LIN54: variants seen among roughly 807,000 people sequenced by gnomAD.
LIN54 encodes protein lin-54 homolog.
Under a neutral mutation model 78.7 loss-of-function variants are expected in LIN54, and 9 were observed. The observed-to-expected ratio is 0.11, with a 90% CI of 0.07 to 0.20. The LOEUF (loss-of-function observed/expected upper bound fraction) is 0.20, where lower values mean the gene tolerates loss of function less well. LIN54 is among the 10% of genes least tolerant of loss of function. The pLI is 1.00. For synonymous variants in LIN54, 269 were observed against 318.4 expected (o/e 0.84, Z 1.65); for missense variants, 573 against 889.9 (o/e 0.64, Z 4.53).
At chr4:82,988,287 A>C (rs918089949) in intron 1 of LIN54, among the ~76,000 whole-genome samples, 1 of 152,182 alleles carries the variant, frequency 6.6e-6, no homozygotes, top group African/African-American at 2.4e-5. Flanking sequence ...TAAAGCAATC[A>C]TATGGTATGA....
chr4:82,985,437 T>C (rs1220180953), intron 1 of LIN54, among the ~76,000 whole-genome samples: 1 of 152,220 alleles, frequency 6.6e-6, no homozygotes, highest in Non-Finnish European at 1.5e-5. Flanking sequence ...CAATTGCAGA[T>C]CAAATAGCAT....
intron 1 of LIN54, among the ~76,000 whole-genome samples, chr4:82,988,545 A>G (rs931071325): frequency 1.3e-5 from 2 of 152,204 alleles, no homozygotes; most frequent in African/African-American, 4.8e-5. Flanking sequence ...CTTTTGAGTA[A>G]ATATCTAGAA....
At chr4:83,011,718 G>T (rs1260125402), upstream of LIN54, among the ~76,000 whole-genome samples, 1 of 150,580 alleles carries the variant, frequency 6.6e-6, no homozygotes, top group East Asian at 2.0e-4. Context: ...TCATCAGTCA[G>T]TTGAATAAGT....
chr4:82,937,301 G>A lies in LIN54; in HGVS notation c.1533-3C>T, dbSNP rs201608538. 1.9e-6 allele frequency: 3 copies of A among 1,552,842 alleles called. No individual in the cohort carries two copies. The highest frequency in any genetic ancestry group is 2.6e-6 in the Non-Finnish European group (3 of 1,142,236). ...TGGCCGACTCTGATGGGATTATGCTGTACAGATAGAAAAAAAGATATACAT... is the reference window on the plus strand; with the variant it reads ...TGGCCGACTCTGATGGGATTATGCTATACAGATAGAAAAAAAGATATACAT... On this transcript the variant is annotated splice_region_variant and splice_polypyrimidine_tract_variant and intron_variant, in intron 8 of 12. Transcript: ENST00000340417.
chr4:83,006,383 A>G (rs1225375152), intron 1 of LIN54, among the ~76,000 whole-genome samples: 2 of 151,912 alleles, frequency 1.3e-5, no homozygotes, highest in Non-Finnish European at 2.9e-5. Context: ...TGGCAGGCAG[A>G]AGTTGCAGTG....
chr4:82,994,903 A>G (rs1442771143), intron 1 of LIN54, among the ~76,000 whole-genome samples: 1 of 152,028 alleles, frequency 6.6e-6, no homozygotes, highest in Non-Finnish European at 1.5e-5. Context: ...TTGTCAGAAG[A>G]ACATACGTTT....
chr4:82,938,456 C>T lies in LIN54; in HGVS notation c.1489G>A (p.Gly497Arg), dbSNP rs1344284488. ...VSIASNSTFT[G>R]TSGIQTQARL... is the part of the protein sequence containing the mutation. ...GCCTGGGTCTGGATACCAGATGTTC[C>T]AGTAAAGGTAGAGTTGCTTGCTATT... is the stretch of plus-strand genomic sequence containing the variant. The change falls in exon 8 of 13, where the codon GGA becomes AGA. Residue 497 changes from glycine (G) to arginine (R), a missense_variant. Physicochemically the swap from Gly to Arg is moderately radical, Grantham distance 125. Coordinates refer to ENST00000340417, the MANE Select transcript of LIN54 (RefSeq NM_194282.4). 1 of 1,612,076 alleles carries T rather than the reference C, an allele frequency of 6.2e-7. No homozygotes were observed. Among genetic ancestry groups the T allele is most frequent in the Admixed American group, 1.7e-5 (1 of 59,984 alleles).
At chr4:82,931,695 A>G (rs1054424847) in intron 11 of LIN54, among the ~76,000 whole-genome samples, 2 of 152,224 alleles carry the variant, frequency 1.3e-5, no homozygotes, top group Non-Finnish European at 2.9e-5. Context: ...TTTCATATAA[A>G]TATATATTTT....
At chr4:82,993,999 T>C (rs1193037978) in intron 1 of LIN54, among the ~76,000 whole-genome samples, 1 of 152,100 alleles carries the variant, frequency 6.6e-6, no homozygotes, top group African/African-American at 2.4e-5. Flanking sequence ...ATTTGCTACC[T>C]GGAGCTTTAC....
chr4:82,988,161 G>T (rs967946615), intron 1 of LIN54, among the ~76,000 whole-genome samples: 2 of 151,604 alleles, frequency 1.3e-5, no homozygotes, highest in African/African-American at 2.4e-5. Flanking sequence ...ATGTTTTTTT[G>T]GCCACATAAA....
At chr4:82,987,439 T>C (rs181657096) in intron 1 of LIN54, among the ~76,000 whole-genome samples, 5 of 152,314 alleles carry the variant, frequency 3.3e-5, no homozygotes, top group Admixed American at 2.6e-4. Flanking sequence ...ACGGGATACA[T>C]GTGCAGAACA....
At chr4:83,011,378 C>T (rs1729846487), upstream of LIN54, among the ~76,000 whole-genome samples, 1 of 152,124 alleles carries the variant, frequency 6.6e-6, no homozygotes, top group Non-Finnish European at 1.5e-5. Context: ...TCTGAGCTAT[C>T]TTCCTCTCCA....
At chr4:83,011,744 G>C (rs1038632867), upstream of LIN54, among the ~76,000 whole-genome samples, 1 of 150,104 alleles carries the variant, frequency 6.7e-6, no homozygotes, top group African/African-American at 2.5e-5. Context: ...AAAGAGAACA[G>C]AGGTAATTCT....
chr4:82,936,048 C>T lies in LIN54; in HGVS notation c.1778G>A (p.Arg593Gln), dbSNP rs758641221. The T allele has an allele frequency of 6.2e-7, 1 of 1,613,842 alleles. No homozygotes were observed. Among genetic ancestry groups the T allele is most frequent in the Non-Finnish European group, 8.5e-7 (1 of 1,179,728 alleles). Reference protein sequence around the residue: ...IGKGKEGESDRRHSKGCNCKR... With the variant: ...IGKGKEGESDQRHSKGCNCKR... ...GCAATTACACCCTTTGCTATGACGT[C>T]GATCAGATTCTCCCTCCTTTCCTTT... The change falls in exon 11 of 13, where the codon CGA becomes CAA. Residue 593 changes from arginine to glutamine, a missense_variant. By Grantham distance (43) the Arg-to-Gln change is conservative (BLOSUM62 1). Coordinates refer to ENST00000340417, the MANE Select transcript of LIN54 (RefSeq NM_194282.4).
intron 4 of LIN54, among the ~76,000 whole-genome samples, chr4:82,957,741 C>T (rs1389182435): frequency 1.3e-5 from 2 of 152,070 alleles, no homozygotes; most frequent in African/African-American, 4.8e-5. Context: ...ATTTATCTTT[C>T]TTTTCTTGGT....
intron 4 of LIN54, among the ~76,000 whole-genome samples, chr4:82,969,666 A>G (rs1030945209): frequency 2.0e-5 from 3 of 152,236 alleles, no homozygotes; most frequent in Admixed American, 6.5e-5. Context: ...TTCCAGAGTC[A>G]CAAGCGTGAA....
At position 83,010,355 on chromosome 4, in the gene LIN54, A is replaced by G. The variant is rs562598333; in HGVS notation, c.-33+129T>C. On this transcript the variant is annotated intron_variant, in intron 1 of 12. Transcript: ENST00000340417. The stretch of plus-strand genomic sequence containing the variant: ...ATAATGTTGATGTCATGACGAGGCT[A>G]CTGATTCTTCGCACTCCGGACAAGT... The G allele has an allele frequency of 7.3e-5, 23 of 314,758 alleles. No homozygotes were observed. In the South Asian group the frequency reaches 2.7e-3, roughly 37 times the overall value. The allele number at this position is 314,758 out of a possible 1,614,324, so 19.5% of individuals were successfully genotyped here. A position where few individuals can be genotyped will look rare whatever the true frequency, so the allele number is the denominator to read the frequency against.
At chr4:82,941,471 T>C (rs1055531821) in intron 5 of LIN54, among the ~76,000 whole-genome samples, 1 of 152,186 alleles carries the variant, frequency 6.6e-6, no homozygotes, top group Non-Finnish European at 1.5e-5. Context: ...ACTCTGTATT[T>C]AATCTGTATT....
intron 4 of LIN54, 146 bp from the exon 5 acceptor site, chr4:82,946,620 G>GA: frequency 6.2e-6 from 4 of 641,880 alleles, no homozygotes; most frequent in Non-Finnish European, 8.0e-6. Flanking sequence ...AAAGAGAAAT[G>GA]AAAAGAATGG....
Sources: gnomAD v4.1 joint callset for allele counts (sites outside exome capture counted in the v4.1 genomes callset) on GRCh38, gnomAD v4.1.1 for gene constraint, MANE v1.5 for transcripts, NCBI Gene and HGNC (gene_info 2026-07-23, HGNC 2026-07-21) for gene names.